The following ATRNL1 variants were observed in gnomAD, a reference collection of about 807,000 sequenced individuals.
ATRNL1 encodes attractin-like protein 1.
ATRNL1 carries 95 observed loss-of-function variants against 182.7 expected under a neutral mutation model. The ratio of observed to expected loss-of-function variants is 0.52; its 90% CI spans 0.44 to 0.62. ATRNL1 has a LOEUF of 0.62. ATRNL1 is among the 20% of genes least tolerant of loss of function. The pLI is 0.00. For missense variants in ATRNL1, 1,471 were observed against 1,679.5 expected, an observed-to-expected ratio of 0.88 and a Z score of 2.17; for synonymous variants, 576 against 568.3, an observed-to-expected ratio of 1.01 and a Z score of -0.19.
chr10:115,755,417 A>G (rs188635273), intron 27 of ATRNL1, among the ~76,000 whole-genome samples: 1 of 152,142 alleles, frequency 6.6e-6, no homozygotes, highest in South Asian at 2.1e-4. Context: ...TTCTGCATCT[A>G]TTGAGATAAT....
At chr10:115,101,622 T>A (rs1423617487) in intron 1 of ATRNL1, among the ~76,000 whole-genome samples, 1 of 152,214 alleles carries the variant, frequency 6.6e-6, no homozygotes, top group Non-Finnish European at 1.5e-5. Context: ...ATTTAGAATT[T>A]TTGTATCTGT....
intron 27 of ATRNL1, among the ~76,000 whole-genome samples, chr10:115,797,284 C>A (rs1214548961): frequency 6.6e-6 from 1 of 152,140 alleles, no homozygotes; most frequent in Non-Finnish European, 1.5e-5. Context: ...GAAAAATAGG[C>A]CTTTAAAAGT....
intron 26 of ATRNL1, among the ~76,000 whole-genome samples, chr10:115,623,967 T>C (rs911090317): frequency 6.6e-6 from 1 of 152,178 alleles, no homozygotes; most frequent in Non-Finnish European, 1.5e-5. Flanking sequence ...TTAATTTTAC[T>C]TTTTAAATTG....
chr10:115,556,815 C>G (rs1287945914), intron 26 of ATRNL1, among the ~76,000 whole-genome samples: 2 of 150,492 alleles, frequency 1.3e-5, no homozygotes, highest in Non-Finnish European at 3.0e-5. Flanking sequence ...TACTGTAATG[C>G]AATGGTTCTC....
chr10:115,532,543 T>C (rs1407139710), intron 25 of ATRNL1, among the ~76,000 whole-genome samples: 13 of 151,958 alleles, frequency 8.6e-5, no homozygotes, highest in Admixed American at 1.3e-4. Flanking sequence ...AGTGGGGTTT[T>C]CTAGATATAC....
chr10:115,097,477 CTCT>C (rs1174965374), intron 1 of ATRNL1, among the ~76,000 whole-genome samples: 9 of 152,234 alleles, frequency 5.9e-5, no homozygotes, highest in Admixed American at 1.3e-4. Context: ...CAGAGCGAGA[CTCT>C]TCTTAAAAAT....
chr10:115,866,004 T>C (rs1951432993), intron 28 of ATRNL1, among the ~76,000 whole-genome samples: 1 of 152,226 alleles, frequency 6.6e-6, no homozygotes, highest in Non-Finnish European at 1.5e-5. Context: ...GCCTATCATT[T>C]TAAAACCATG....
chr10:115,406,416 A>C (rs1428378144), intron 20 of ATRNL1, among the ~76,000 whole-genome samples: 2 of 152,048 alleles, frequency 1.3e-5, no homozygotes, highest in African/African-American at 4.8e-5. Flanking sequence ...TTCATTATTC[A>C]TATTTTCAAC....
chr10:115,135,933 C>CT (rs5788094), intron 5 of ATRNL1, among the ~76,000 whole-genome samples: 102,183 of 151,788 alleles, frequency 0.67, 34,985 homozygotes, highest in Non-Finnish European at 0.75. Flanking sequence ...GATCGCAGCT[C>CT]TTGCAGCGTT....
chr10:115,829,993 A>G (rs1950523657), intron 27 of ATRNL1, among the ~76,000 whole-genome samples: 1 of 152,208 alleles, frequency 6.6e-6, no homozygotes, highest in South Asian at 2.1e-4. Context: ...CAGTAAGTGC[A>G]GTAAGTGTTA....
intron 15 of ATRNL1, among the ~76,000 whole-genome samples, chr10:115,292,214 T>G (rs1290401061): frequency 2.0e-5 from 3 of 152,004 alleles, no homozygotes; most frequent in Admixed American, 6.6e-5. Context: ...GAATTTTCAC[T>G]TCTGATTTTA....
intron 10 of ATRNL1, among the ~76,000 whole-genome samples, chr10:115,262,088 C>A (rs1554908967): frequency 6.6e-6 from 1 of 151,642 alleles, no homozygotes; most frequent in South Asian, 2.1e-4. Flanking sequence ...AAAACAAAAA[C>A]AAACTCTTTA....
At chr10:115,286,953 AT>A (rs2133939998) in intron 15 of ATRNL1, among the ~76,000 whole-genome samples, 1 of 152,090 alleles carries the variant, frequency 6.6e-6, no homozygotes, top group East Asian at 1.9e-4. Context: ...ATGGGAGGAT[AT>A]GGATAGGTTA....
In ATRNL1 at chr10:115,738,125, G is replaced by GTTTTTTTTTTTTTTTTTTTTT. The variant is rs1565334914; in HGVS notation, c.3903+10770_3903+10771insTTTTTTTTTTTTTTTTTTTTT. Among the ~76,000 whole-genome samples the GTTTTTTTTTTTTTTTTTTTTT allele has an allele frequency of 1.9e-4, 10 of 53,190 alleles. 2 individuals are homozygous for GTTTTTTTTTTTTTTTTTTTTT. Among genetic ancestry groups the GTTTTTTTTTTTTTTTTTTTTT allele is most frequent in the African/African-American group, 2.3e-4 (4 of 17,524 alleles). 34.9% of individuals were successfully genotyped at this position (53,190 alleles called of 152,430 possible). A position where few individuals can be genotyped will look rare whatever the true frequency, so the allele number is the denominator to read the frequency against. On this transcript the variant is annotated intron_variant, in intron 27 of 28. Transcript: ENST00000355044. ...CATAAAAAATGATTTAGAAGATAAT[G>GTTTTTTTTTTTTTTTTTTTTT]ATTTTTTTTTTTTTTTTTTTTTTTT...
At chr10:115,311,796 G>A (rs565602981) in intron 17 of ATRNL1, among the ~76,000 whole-genome samples, 2 of 151,998 alleles carry the variant, frequency 1.3e-5, no homozygotes, top group East Asian at 3.9e-4. Flanking sequence ...AGTGTTAGGT[G>A]CATATATATT....
intron 26 of ATRNL1, among the ~76,000 whole-genome samples, chr10:115,556,798 C>T (rs971765365): frequency 3.4e-4 from 51 of 150,670 alleles, no homozygotes; most frequent in Admixed American, 6.7e-5. Flanking sequence ...GACTCCTCCT[C>T]CATTTCTACT....
chr10:115,294,978 AG>A (rs1178108865), intron 15 of ATRNL1, among the ~76,000 whole-genome samples: 4 of 152,174 alleles, frequency 2.6e-5, no homozygotes, highest in South Asian at 2.1e-4. Flanking sequence ...CACAGTGGGT[AG>A]GGCAACTTGC....
chr10:115,727,377 G>C (rs782792756), intron 27 of ATRNL1, 22 bp downstream of exon 27: 1 of 1,548,652 alleles, frequency 6.5e-7, no homozygotes, highest in East Asian at 2.2e-5. Flanking sequence ...GGTGCTGAAA[G>C]AGGACCACTG....
chr10:115,766,802 A>T (rs1555075154), intron 27 of ATRNL1, among the ~76,000 whole-genome samples: 1 of 152,176 alleles, frequency 6.6e-6, no homozygotes, highest in Non-Finnish European at 1.5e-5. Context: ...TCATGGGCTG[A>T]ATCTTCTCTA....
Sources: gnomAD v4.1 joint callset for allele counts (sites outside exome capture counted in the v4.1 genomes callset) on GRCh38, gnomAD v4.1.1 for gene constraint, MANE v1.5 for transcripts, NCBI Gene and HGNC (gene_info 2026-07-23, HGNC 2026-07-21) for gene names.